The following COL4A2 variants were observed in gnomAD, a reference collection of about 807,000 sequenced individuals.
The protein encoded by COL4A2 is collagen type IV alpha 2 chain, also known as collagen alpha-2(IV) chain.
A neutral mutation model predicts 200.2 loss-of-function variants in COL4A2; 99 were observed. The observed-to-expected ratio is 0.49, with a 90% confidence interval of 0.42 to 0.58. The LOEUF is 0.58. COL4A2 is among the 20% of genes least tolerant of loss of function. The probability of loss-of-function intolerance (pLI) is 0.00; values close to 1 mark genes in which losing one functional copy is unlikely to be tolerated. For synonymous variants in COL4A2, 897 were observed against 900.6 expected (o/e 1.00, Z 0.07); for missense variants, 1,950 against 2,314.1 (o/e 0.84, Z 3.23).
At chr13:110,387,606 G>A (rs1024046469) in intron 4 of COL4A2, among the ~76,000 whole-genome samples, 8 of 152,262 alleles carry the variant, frequency 5.3e-5, no homozygotes, top group Non-Finnish European at 1.0e-4. Context: ...GCAGGCGGCT[G>A]CAGCCCCGAG....
intron 40 of COL4A2, among the ~76,000 whole-genome samples, chr13:110,496,027 G>A (rs142976883): frequency 1.3e-4 from 20 of 152,288 alleles, no homozygotes; most frequent in African/African-American, 4.6e-4. Context: ...CAGCCCCAGA[G>A]TCTGCTCCTG....
chr13:110,420,748 C>A (rs1310958429), intron 4 of COL4A2, among the ~76,000 whole-genome samples: 1 of 152,248 alleles, frequency 6.6e-6, no homozygotes, highest in African/African-American at 2.4e-5. Context: ...GTCCTCCCAG[C>A]TGCTCTTTAT....
intron 35 of COL4A2, 89 bp downstream of exon 35, chr13:110,489,597 T>TA: frequency 6.3e-7 from 1 of 1,587,460 alleles, no homozygotes; most frequent in Non-Finnish European, 8.7e-7. Context: ...CAAGTGCTGT[T>TA]AGGTATTTTA....
chr13:110,478,133 C>T lies in COL4A2; in HGVS notation c.2556C>T (p.Pro852=), dbSNP rs970690330. The T allele has an allele frequency of 2.5e-6, 4 of 1,597,170 alleles. No individual in the cohort carries two copies. Among genetic ancestry groups the T allele is most frequent in the Non-Finnish European group, 3.4e-6 (4 of 1,170,562 alleles). ...GFPGAPGQEG[P]LGLPGIPGRE... ...CAGGAGCTCCTGGCCAAGAGGGGCC[C>T]TTGGGGCTGCCAGGAATCCCAGGCC... Residue 852 remains proline (P), a synonymous_variant, in exon 30 of 48, where the codon CCC becomes CCT. Transcript: ENST00000360467.
chr13:110,454,630 C>T (rs758761235), intron 20 of COL4A2, among the ~76,000 whole-genome samples: 14 of 152,120 alleles, frequency 9.2e-5, no homozygotes, highest in Non-Finnish European at 1.3e-4. Flanking sequence ...CCTCCTGAGA[C>T]GCTGTCTTCT....
At chr13:110,389,387 T>C (rs1021233075) in intron 4 of COL4A2, among the ~76,000 whole-genome samples, 2 of 152,216 alleles carry the variant, frequency 1.3e-5, no homozygotes, top group Non-Finnish European at 2.9e-5. Context: ...AATCTGTGCA[T>C]GTGTGTATCT....
intron 3 of COL4A2, among the ~76,000 whole-genome samples, chr13:110,319,950 G>A (rs1885235565): frequency 6.6e-6 from 1 of 152,194 alleles, no homozygotes; most frequent in Admixed American, 6.5e-5. Flanking sequence ...CCAAAATTGT[G>A]TATCTTCAGT....
At position 110,512,020 on chromosome 13, in the gene COL4A2, C is replaced by T. The variant is rs148666408; in HGVS notation, c.4968C>T (p.Ile1656=). The T allele has an allele frequency of 6.2e-4, 1,000 of 1,613,572 alleles. 2 individuals carry two copies. The highest frequency in any genetic ancestry group is 7.7e-4 in the Non-Finnish European group (907 of 1,180,038). ...CLEDFRATPF[I]ECNGGRGTCH... ...AGGACTTCCGCGCCACACCATTCAT[C>T]GAATGCAATGGAGGCCGCGGCACCT... The change falls in exon 48 of 48, where the codon ATC becomes ATT. Residue 1656 remains isoleucine (I), a synonymous_variant. Transcript: ENST00000360467.
intron 4 of COL4A2, among the ~76,000 whole-genome samples, chr13:110,409,309 C>T (rs1261153407): frequency 1.3e-5 from 2 of 152,292 alleles, no homozygotes; most frequent in South Asian, 2.1e-4. Context: ...CAGGCTGTGA[C>T]GGGTAAATCG....
intron 3 of COL4A2, among the ~76,000 whole-genome samples, chr13:110,311,502 T>C (rs924724129): frequency 6.6e-6 from 1 of 151,920 alleles, no homozygotes; most frequent in African/African-American, 2.4e-5. Context: ...GCGTCCTAGT[T>C]CTCCTCTCCC....
intron 4 of COL4A2, among the ~76,000 whole-genome samples, chr13:110,391,257 ATCTACAGGGCC>A (rs1878971658): frequency 6.6e-6 from 1 of 152,226 alleles, no homozygotes; most frequent in Non-Finnish European, 1.5e-5. Context: ...TAGTTGCAGT[ATCTACAGGGCC>A]TCTACAGAGC....
At chr13:110,427,180 G>C (rs1320793290) in intron 6 of COL4A2, among the ~76,000 whole-genome samples, 1 of 152,210 alleles carries the variant, frequency 6.6e-6, no homozygotes, top group African/African-American at 2.4e-5. Flanking sequence ...TTGAGACAGA[G>C]TCTTGTTCGC....
At chr13:110,484,097 A>C in intron 32 of COL4A2, among the ~76,000 whole-genome samples, 1 of 2,564 alleles carries the variant, frequency 3.9e-4, no homozygotes, top group East Asian at 0.036. Flanking sequence ...ATTTCAGGCA[A>C]AAAAAAAAAA....
intron 16 of COL4A2, among the ~76,000 whole-genome samples, chr13:110,444,799 C>A (rs1225479277): frequency 6.6e-6 from 1 of 152,154 alleles, no homozygotes; most frequent in African/African-American, 2.4e-5. Context: ...CAATGATAAA[C>A]TTTTTCTTTC....
intron 4 of COL4A2, among the ~76,000 whole-genome samples, chr13:110,387,039 A>G (rs1594184939): frequency 6.6e-6 from 1 of 152,158 alleles, no homozygotes; most frequent in Non-Finnish European, 1.5e-5. Flanking sequence ...GGAGTTCAAG[A>G]CCAGCCTGGC....
intron 3 of COL4A2, chr13:110,328,251 G>T (rs1281436053): frequency 6.6e-6 from 1 of 152,218 alleles, no homozygotes; most frequent in Non-Finnish European, 1.5e-5. Flanking sequence ...GCCTCTGTCG[G>T]AGGACCATGA....
chr13:110,476,322 T>C (rs1882702116), intron 29 of COL4A2, among the ~76,000 whole-genome samples: 1 of 152,184 alleles, frequency 6.6e-6, no homozygotes, highest in South Asian at 2.1e-4. Flanking sequence ...ACTCTAAAGA[T>C]AGAAGACCAA....
rs1264969594 is a variant in COL4A2 at position 110,472,912 on chromosome 13, C to A, written c.2204-17C>A. 1 of 1,548,770 alleles carries A rather than the reference C, an allele frequency of 6.5e-7. No individual in the cohort carries two copies. Among genetic ancestry groups the A allele is most frequent in the Non-Finnish European group, 8.7e-7 (1 of 1,144,822 alleles). ...ATGCTAACTTGTGGTTTGGGGCCCA[C>A]CCATGTTTCCTTTTAGGGTTCATAG... is the stretch of plus-strand genomic sequence containing the variant. On this transcript the variant is annotated splice_polypyrimidine_tract_variant and intron_variant, in intron 28 of 47. Transcript: ENST00000360467.
At chr13:110,437,864 C>A in intron 13 of COL4A2, 138 bp from the exon 14 acceptor site, 1 of 747,022 alleles carries the variant, frequency 1.3e-6, no homozygotes, top group South Asian at 1.6e-5. Flanking sequence ...ATTTAAGAGT[C>A]ATGTGTTGTA....
Sources: gnomAD v4.1 joint callset for allele counts (sites outside exome capture counted in the v4.1 genomes callset) on GRCh38, gnomAD v4.1.1 for gene constraint, MANE v1.5 for transcripts, NCBI Gene and HGNC (gene_info 2026-07-23, HGNC 2026-07-21) for gene names.